CACNA1D: variants seen among roughly 807,000 people sequenced by gnomAD.
CACNA1D encodes voltage-dependent L-type calcium channel subunit alpha-1D.
In CACNA1D, 55 loss-of-function variants were observed where a neutral mutation model predicts 257.1. The observed-to-expected ratio is 0.21, with a 90% CI of 0.17 to 0.27. The LOEUF (loss-of-function observed/expected upper bound fraction) is 0.27. CACNA1D is among the 10% of genes least tolerant of loss of function. The probability of loss-of-function intolerance (pLI) is 1.00; values close to 1 mark genes in which losing one functional copy is unlikely to be tolerated. For missense variants in CACNA1D, 1,876 were observed against 2,784.0 expected (o/e 0.67, Z 7.34); for synonymous variants, 980 against 1,014.9 (o/e 0.97, Z 0.65).
At chr3:53,762,497 T>C (rs1169205996) in intron 30 of CACNA1D, 8 of 451,278 alleles carry the variant, frequency 1.8e-5, no homozygotes, top group Non-Finnish European at 3.6e-5. Context: ...CTTTTCTTCT[T>C]TTTTCCTGTG....
chr3:53,764,081 C>G (rs1303574496), intron 30 of CACNA1D, among the ~76,000 whole-genome samples: 4 of 152,176 alleles, frequency 2.6e-5, no homozygotes, highest in Non-Finnish European at 5.9e-5. Flanking sequence ...ACCAGGCACT[C>G]AGATGGTATT....
intron 37 of CACNA1D, among the ~76,000 whole-genome samples, chr3:53,777,771 T>A (rs2095406105): frequency 6.6e-6 from 1 of 152,194 alleles, no homozygotes. Flanking sequence ...GTTCTGTGTT[T>A]CCATGCCAGA....
intron 3 of CACNA1D, among the ~76,000 whole-genome samples, chr3:53,606,309 A>T (rs900180858): frequency 6.6e-6 from 1 of 152,260 alleles, no homozygotes; most frequent in African/African-American, 2.4e-5. Flanking sequence ...CTGTGGCTGG[A>T]TGCCCCTGAA....
At chr3:53,619,901 T>C (rs3774479) in intron 3 of CACNA1D, among the ~76,000 whole-genome samples, 63,788 of 152,032 alleles carry the variant, frequency 0.42, 14,118 homozygotes, top group African/African-American at 0.56. Flanking sequence ...GCTTGGTGCC[T>C]GGCCCTGTGC....
Position 53,774,665 on chromosome 3 carries a change from C to T in CACNA1D, c.4189C>T (p.Leu1397=). 3.1e-6 allele frequency: 5 copies of T among 1,608,714 alleles called. No individual in the cohort carries two copies. Among genetic ancestry groups the T allele is most frequent in the Non-Finnish European group, 4.3e-6 (5 of 1,175,122 alleles). The stretch of plus-strand genomic sequence containing the variant: ...CTTCCAGACGTTTCCCCAGGCGGTG[C>T]TGCTGCTCTTCAGGTGACTGCAACT... ...NNFQTFPQAV[L]LLFRCATGEA... Residue 1397 remains leucine (L), a synonymous_variant, in exon 34 of 48, where the codon CTG becomes TTG. Coordinates refer to ENST00000350061, the MANE Select transcript of CACNA1D (RefSeq NM_001128840.3). The surrounding 1 kb of genome is among the most constrained non-coding windows in gnomAD (Gnocchi z 4.3).
chr3:53,732,108 T>C (rs1280509925), intron 18 of CACNA1D, 26 bp downstream of exon 18: 1 of 1,569,596 alleles, frequency 6.4e-7, no homozygotes. Context: ...CCGGAGACGC[T>C]GGCTTTGCTG....
chr3:53,549,864 T>A (rs954701116), intron 3 of CACNA1D, among the ~76,000 whole-genome samples: 1 of 152,226 alleles, frequency 6.6e-6, no homozygotes, highest in Non-Finnish European at 1.5e-5. Context: ...ATACTGCCTG[T>A]TCACCTTGAC....
chr3:53,740,570 T>G (rs1185531631), intron 21 of CACNA1D: 4 of 488,188 alleles, frequency 8.2e-6, no homozygotes, highest in African/African-American at 2.0e-5. Context: ...TTTATGGGTT[T>G]TTTTTTTGTC....
At chr3:53,578,946 C>T (rs563692768) in intron 3 of CACNA1D, among the ~76,000 whole-genome samples, 1 of 152,066 alleles carries the variant, frequency 6.6e-6, no homozygotes, top group South Asian at 2.1e-4. Context: ...TGTTTGCATC[C>T]TTTTGAGGAA....
chr3:53,776,566 G>A, intron 35 of CACNA1D, 37 bp from the exon 36 acceptor site: 1 of 1,613,706 alleles, frequency 6.2e-7, no homozygotes, highest in Admixed American at 1.7e-5. Context: ...CAATCCAGCT[G>A]CAGCTGAAGT....
chr3:53,745,963 G>C, intron 25 of CACNA1D, 88 bp downstream of exon 25: 1 of 1,054,238 alleles, frequency 9.5e-7, no homozygotes, highest in Non-Finnish European at 1.5e-6. Flanking sequence ...CAGAAGTTTT[G>C]GTCGTGAAAT....
Position 53,573,601 on chromosome 3 carries a change from A to G in CACNA1D, c.483+71881A>G, listed in dbSNP as rs1575928550. ...TCCTTTGTGCTTCTCCCTATCCACCATATGGCACATTTTACTTATGCCATT... is the reference window on the plus strand; with the variant it reads ...TCCTTTGTGCTTCTCCCTATCCACCGTATGGCACATTTTACTTATGCCATT... On this transcript the variant is annotated intron_variant, in intron 3 of 47. Coordinates refer to ENST00000350061, the MANE Select transcript of CACNA1D (RefSeq NM_001128840.3). 2.0e-5 allele frequency among the ~76,000 whole-genome samples: 3 copies of G among 152,184 alleles called. No homozygotes were observed. The East Asian group carries it at 5.8e-4, about 29-fold the overall frequency.
At chr3:53,764,765 C>T (rs1559646972) in intron 30 of CACNA1D, among the ~76,000 whole-genome samples, 2 of 152,236 alleles carry the variant, frequency 1.3e-5, no homozygotes, top group Non-Finnish European at 2.9e-5. Flanking sequence ...GGCAGGTCTA[C>T]GCTGAAGTTT....
In CACNA1D at chr3:53,627,192, T is replaced by C. The variant is rs77942442; in HGVS notation, c.484-23587T>C. 9.8e-3 allele frequency among the ~76,000 whole-genome samples: 1,498 copies of C among 152,298 alleles called. 26 individuals carry two copies. Among genetic ancestry groups the C allele is most frequent in the African/African-American group, 0.035 (1,434 of 41,556 alleles). Reference sequence around the variant, plus strand: ...ACAGGTCCCAATAGGGATTTGTGGCTCTGGTTCAGCCACTCTGATCCCTGC... The same window carrying C: ...ACAGGTCCCAATAGGGATTTGTGGCCCTGGTTCAGCCACTCTGATCCCTGC... On this transcript the variant is annotated intron_variant, in intron 3 of 47. Transcript: ENST00000350061.
At chr3:53,786,977 T>C (rs781473520) in intron 40 of CACNA1D, 25 bp downstream of exon 40, 4 of 1,613,368 alleles carry the variant, frequency 2.5e-6, no homozygotes, top group Non-Finnish European at 3.4e-6. Context: ...CATTTTGTTT[T>C]CTCTTTTGAC....
chr3:53,665,539 A>G, intron 5 of CACNA1D, 121 bp from the exon 6 acceptor site: 1 of 801,742 alleles, frequency 1.2e-6, no homozygotes, highest in Non-Finnish European at 2.1e-6. Flanking sequence ...AAGCTTTGAA[A>G]TACCTCTTTG....
chr3:53,691,777 ATATC>A (rs1385777717), intron 8 of CACNA1D, among the ~76,000 whole-genome samples: 5 of 116,964 alleles, frequency 4.3e-5, no homozygotes, highest in African/African-American at 1.7e-4. Context: ...TATATATATT[ATATC>A]TATAATATAT....
intron 8 of CACNA1D, among the ~76,000 whole-genome samples, chr3:53,691,097 G>A (rs1031020999): frequency 7.9e-5 from 12 of 151,912 alleles, no homozygotes; most frequent in Non-Finnish European, 1.2e-4. Context: ...GATCTGTTTC[G>A]TTCAGAGAGA....
At chr3:53,544,103 A>G (rs1429679603) in intron 3 of CACNA1D, among the ~76,000 whole-genome samples, 1 of 152,120 alleles carries the variant, frequency 6.6e-6, no homozygotes, top group Non-Finnish European at 1.5e-5. Flanking sequence ...TACAAATCAT[A>G]ATCAGGATAT....
Sources: allele counts gnomAD v4.1 joint callset (sites outside exome capture counted in the v4.1 genomes callset), GRCh38; gene constraint gnomAD v4.1.1; non-coding constraint Gnocchi (gnomAD v3.1); transcripts MANE v1.5; gene names NCBI Gene and HGNC (gene_info 2026-07-23, HGNC 2026-07-21).